Variants in TMCO4 observed in about 807,000 individuals in gnomAD.
TMCO4 encodes transmembrane and coiled-coil domains 4.
In TMCO4, 58 loss-of-function variants were observed where a neutral mutation model predicts 64.7. The ratio of observed to expected loss-of-function variants is 0.90; its 90% confidence interval spans 0.73 to 1.12. TMCO4 has a LOEUF of 1.12. TMCO4 is among the 50% of genes most tolerant of loss of function. The pLI is 0.00. For synonymous variants in TMCO4, 325 were observed against 346.1 expected (o/e 0.94, Z 0.68); for missense variants, 780 against 825.9 (o/e 0.94, Z 0.68).
intron 2 of TMCO4, among the ~76,000 whole-genome samples, chr1:19,797,217 C>T (rs1001343435): frequency 6.6e-6 from 1 of 152,204 alleles, no homozygotes; most frequent in African/African-American, 2.4e-5. Flanking sequence ...ACAGGGGTTA[C>T]AGTCAGGGTG....
chr1:19,691,710 G>A (rs1363353902), intron 15 of TMCO4, among the ~76,000 whole-genome samples: 2 of 152,200 alleles, frequency 1.3e-5, no homozygotes, highest in Non-Finnish European at 2.9e-5. Context: ...CTGTCTGCAG[G>A]AAGCAGCTGC....
intron 2 of TMCO4, among the ~76,000 whole-genome samples, chr1:19,788,746 C>G (rs562541206): frequency 1.3e-5 from 2 of 152,058 alleles, no homozygotes; most frequent in Non-Finnish European, 2.9e-5. Flanking sequence ...GAACAGAATT[C>G]GACTGCATAT....
intron 12 of TMCO4, 98 bp downstream of exon 12, chr1:19,739,726 C>T (rs1036525985): frequency 6.6e-7 from 1 of 1,511,782 alleles, no homozygotes; most frequent in Non-Finnish European, 8.8e-7. Flanking sequence ...TGAGTTATCT[C>T]CAAGTAGCCT....
intron 2 of TMCO4, among the ~76,000 whole-genome samples, chr1:19,792,203 A>G (rs1318065567): frequency 6.6e-6 from 1 of 152,198 alleles, no homozygotes; most frequent in Non-Finnish European, 1.5e-5. Flanking sequence ...GAACTCCAAG[A>G]AAGACCCATA....
chr1:19,708,474 C>T (rs2095313798), intron 13 of TMCO4, among the ~76,000 whole-genome samples: 1 of 151,544 alleles, frequency 6.6e-6, no homozygotes, highest in African/African-American at 2.4e-5. Context: ...CACACTAGAG[C>T]CTTGATCTCA....
chr1:19,790,631 C>T (rs541231563), intron 2 of TMCO4, among the ~76,000 whole-genome samples: 41 of 152,052 alleles, frequency 2.7e-4, no homozygotes, highest in Admixed American at 4.6e-4. Context: ...CCAGTCAGAA[C>T]GGCAATTATT....
At chr1:19,687,232 C>G (rs151032015) in intron 15 of TMCO4, among the ~76,000 whole-genome samples, 1 of 152,146 alleles carries the variant, frequency 6.6e-6, no homozygotes, top group African/African-American at 2.4e-5. Flanking sequence ...GGATTACAGG[C>G]GTGAGCCACT....
At chr1:19,765,845 T>C (rs2042713694) in intron 6 of TMCO4, among the ~76,000 whole-genome samples, 1 of 152,190 alleles carries the variant, frequency 6.6e-6, no homozygotes, top group Admixed American at 6.5e-5. Context: ...GCTAATTTCC[T>C]GGGCTGACTC....
chr1:19,683,367 C>T lies in TMCO4; in HGVS notation c.1578G>A (p.Trp526Ter), dbSNP rs1232661882. 12 of 1,613,946 alleles carry T rather than the reference C, an allele frequency of 7.4e-6. No individual in the cohort carries two copies. The highest frequency in any genetic ancestry group is 1.0e-5 in the Non-Finnish European group (12 of 1,180,012). Residue 526 changes from tryptophan to a stop codon, truncating the protein, a stop_gained, in exon 16 of 16, where the codon TGG becomes TGA. Coordinates refer to ENST00000294543, the MANE Select transcript of TMCO4 (RefSeq NM_181719.7). LOFTEE classifies it low-confidence loss of function (END_TRUNC). Reference protein sequence around the residue: ...KAVGIRTKPGWDEKGLLLAPG... With the variant: ...KAVGIRTKPG ...GGGCCAGCAAGAGCCCCTTCTCGTC[C>T]CAGCCTGGCTTGGTGCGGATGCCCA...
rs766175122 is a variant in TMCO4 at position 19,739,847 on chromosome 1, G to A, written c.1156C>T (p.His386Tyr). 11 of 1,613,610 alleles carry A rather than the reference G, an allele frequency of 6.8e-6. No individual in the cohort carries two copies. Among genetic ancestry groups the A allele is most frequent in the Admixed American group, 1.7e-5 (1 of 59,968 alleles). Residue 386 changes from histidine (H) to tyrosine (Y), a missense_variant, in exon 12 of 16, where the codon CAC becomes TAC. Transcript: ENST00000294543. ...ACCTGCTGCCGGGAGAGCAGGATGT[G>A]GGCCAGGTGCTTGCCAACCTCTGCT... is the stretch of plus-strand genomic sequence containing the variant. ...RSAEVGKHLA[H>Y]ILLSRQQGRR...
At chr1:19,737,533 C>T in intron 12 of TMCO4, 77 bp from the exon 13 acceptor site, 2 of 1,338,268 alleles carry the variant, frequency 1.5e-6, no homozygotes, top group Non-Finnish European at 1.1e-6. Flanking sequence ...AGGAGGGCAG[C>T]CTTTGCACAT....
At chr1:19,712,983 C>T (rs894511928) in intron 13 of TMCO4, among the ~76,000 whole-genome samples, 4 of 152,176 alleles carry the variant, frequency 2.6e-5, no homozygotes, top group African/African-American at 9.7e-5. Flanking sequence ...CAGCTTTGCT[C>T]GGTGGGGTCT....
At chr1:19,798,709 G>C (rs908266106) in intron 1 of TMCO4, among the ~76,000 whole-genome samples, 1 of 152,190 alleles carries the variant, frequency 6.6e-6, no homozygotes, top group African/African-American at 2.4e-5. Flanking sequence ...GGAAATGCCA[G>C]TGGTCTCCCC....
Position 19,796,793 on chromosome 1 carries a change from T to C in TMCO4, c.-101+1344A>G, listed in dbSNP as rs367777945. Among the ~76,000 whole-genome samples, 20 of 152,310 alleles carry C rather than the reference T, an allele frequency of 1.3e-4. 2 individuals carry two copies. In the East Asian group the frequency reaches 1.7e-3, roughly 13 times the overall value. ...TTTCACCATGTTGGCCAGGATGGTC[T>C]CAATCTCTTGACCTCGTAATCTGCC... On this transcript the variant is annotated intron_variant, in intron 2 of 15. Coordinates refer to ENST00000294543, the MANE Select transcript of TMCO4 (RefSeq NM_181719.7).
chr1:19,776,874 A>C (rs2043229298), intron 4 of TMCO4, among the ~76,000 whole-genome samples: 1 of 152,100 alleles, frequency 6.6e-6, no homozygotes, highest in East Asian at 1.9e-4. Flanking sequence ...TAAAAATACG[A>C]AAATTAGCCA....
At chr1:19,705,974 C>T (rs1395869168) in intron 13 of TMCO4, among the ~76,000 whole-genome samples, 3 of 152,054 alleles carry the variant, frequency 2.0e-5, no homozygotes, top group Non-Finnish European at 2.9e-5. Context: ...AATTGTGGCT[C>T]ACTGCAGCCT....
At chr1:19,739,680 A>C in intron 12 of TMCO4, 144 bp downstream of exon 12, 2 of 1,110,008 alleles carry the variant, frequency 1.8e-6, no homozygotes, top group Non-Finnish European at 2.5e-6. Context: ...CTTGAACTGG[A>C]GAGGCAGCAA....
At chr1:19,760,864 T>A (rs975157789) in intron 6 of TMCO4, among the ~76,000 whole-genome samples, 17 of 152,236 alleles carry the variant, frequency 1.1e-4, no homozygotes, top group Admixed American at 1.1e-3. Flanking sequence ...TTTGTAGAAA[T>A]GAATGAATGA....
intron 6 of TMCO4, among the ~76,000 whole-genome samples, chr1:19,762,877 G>A (rs1254831298): frequency 6.6e-6 from 1 of 152,118 alleles, no homozygotes; most frequent in Non-Finnish European, 1.5e-5. Context: ...AGAGATCATG[G>A]TCAATCCCCG....
Sources: gnomAD v4.1 joint callset for allele counts (sites outside exome capture counted in the v4.1 genomes callset) on GRCh38, gnomAD v4.1.1 for gene constraint, MANE v1.5 for transcripts, NCBI Gene and HGNC (gene_info 2026-07-23, HGNC 2026-07-21) for gene names.